Variants in WDPCP observed in about 807,000 individuals in gnomAD.
WDPCP encodes the protein WD repeat-containing and planar cell polarity effector protein fritz homolog.
WDPCP carries 71 observed loss-of-function variants against 93.1 expected under a neutral mutation model. The ratio of observed to expected loss-of-function variants is 0.76; its 90% CI spans 0.63 to 0.93. The LOEUF (loss-of-function observed/expected upper bound fraction) is 0.93, where lower values mean the gene tolerates loss of function less well. Ranked by LOEUF, WDPCP falls within the 40% of genes least tolerant of loss-of-function variation. The pLI, the probability that WDPCP is intolerant of heterozygous loss-of-function variation, is 0.00. For missense variants in WDPCP, 844 were observed against 887.4 expected (o/e 0.95, Z 0.62); for synonymous variants, 315 against 315.0 (o/e 1.00, Z 0.00).
At chr2:63,538,513 G>A (rs1436925316) in intron 1 of WDPCP, among the ~76,000 whole-genome samples, 1 of 152,096 alleles carries the variant, frequency 6.6e-6, no homozygotes, top group East Asian at 1.9e-4. Flanking sequence ...CTATGGGAGA[G>A]AAATTCATAC....
At chr2:63,346,245 T>C in intron 12 of WDPCP, among the ~76,000 whole-genome samples, 1 of 151,966 alleles carries the variant, frequency 6.6e-6, no homozygotes, top group East Asian at 1.9e-4. Flanking sequence ...CAAGAAAAAA[T>C]GGAAAGCATA....
Position 63,404,538 on chromosome 2 carries a change from G to C in WDPCP, c.945C>G (p.Asp315Glu). The change falls in exon 10 of 18, where the codon GAC becomes GAG. Residue 315 changes from aspartate to glutamate, a missense_variant. Coordinates refer to ENST00000272321, the MANE Select transcript of WDPCP (RefSeq NM_015910.7). ...SVSVDKEPMADSCIYECIRNK... is the reference protein window; with the variant it reads ...SVSVDKEPMAESCIYECIRNK... ...TCCGAATGCATTCATAGATGCAGCT[G>C]TCAGCCATGGGCTCTTTGTCTACAC... 1 of 1,613,644 alleles carries C rather than the reference G, an allele frequency of 6.2e-7. No individual in the cohort carries two copies. The highest frequency in any genetic ancestry group is 1.1e-5 in the South Asian group (1 of 91,034).
chr2:63,280,569 C>T (rs1246605299), intron 13 of WDPCP, among the ~76,000 whole-genome samples: 1 of 152,124 alleles, frequency 6.6e-6, no homozygotes, highest in East Asian at 1.9e-4. Flanking sequence ...CATTACCCAA[C>T]TTCAAACCAT....
chr2:63,524,229 T>C (rs1490916549), intron 1 of WDPCP, among the ~76,000 whole-genome samples: 1 of 152,134 alleles, frequency 6.6e-6, no homozygotes. Flanking sequence ...AAACTACCAA[T>C]GACAATTTTT....
In WDPCP at chr2:63,536,773, C is replaced by CTTTTTTTTTTTTT. The variant is rs58661370; in HGVS notation, c.76-43846_76-43834dup. ...TGGTAAAAATCTCAGATTCTTCATG[C>CTTTTTTTTTTTTT]TTTTTTTTTTTTTTTTGATGGAATC... On this transcript the variant is annotated intron_variant, in intron 1 of 17. Coordinates refer to ENST00000272321, the MANE Select transcript of WDPCP (RefSeq NM_015910.7). 1.2e-3 allele frequency among the ~76,000 whole-genome samples: 110 copies of CTTTTTTTTTTTTT among 93,582 alleles called. 4 individuals are homozygous for CTTTTTTTTTTTTT. Among genetic ancestry groups the CTTTTTTTTTTTTT allele is most frequent in the African/African-American group, 2.8e-3 (61 of 22,134 alleles). 61.4% of individuals were successfully genotyped at this position (93,582 alleles called of 152,430 possible).
At chr2:63,168,513 T>C (rs1673158881) in intron 15 of WDPCP, 2 of 152,216 alleles carry the variant, frequency 1.3e-5, no homozygotes, top group Admixed American at 6.5e-5. Context: ...TTTACATCAA[T>C]TGATATGACT....
intron 12 of WDPCP, among the ~76,000 whole-genome samples, chr2:63,328,912 A>G (rs1022865194): frequency 6.6e-6 from 1 of 151,924 alleles, no homozygotes; most frequent in African/African-American, 2.4e-5. Context: ...TATCTTTTGT[A>G]GAGATGGGGT....
intron 12 of WDPCP, among the ~76,000 whole-genome samples, chr2:63,347,822 C>CCCCT (rs1689303751): frequency 6.6e-6 from 1 of 151,732 alleles, no homozygotes; most frequent in Admixed American, 6.6e-5. Context: ...TAATGCCAGC[C>CCCCT]CCCTCTTTGA....
intron 1 of WDPCP, among the ~76,000 whole-genome samples, chr2:63,574,300 G>A (rs1356070112): frequency 1.3e-5 from 2 of 152,048 alleles, no homozygotes; most frequent in Non-Finnish European, 2.9e-5. Context: ...TCTCTCTTTT[G>A]TACTCTGTCC....
chr2:63,422,020 A>C (rs779485891), intron 9 of WDPCP, among the ~76,000 whole-genome samples: 1 of 152,220 alleles, frequency 6.6e-6, no homozygotes, highest in African/African-American at 2.4e-5. Context: ...GAATATGTAT[A>C]TGTATAAAAT....
intron 3 of WDPCP, among the ~76,000 whole-genome samples, chr2:63,634,951 T>C (rs1455339619): frequency 1.3e-5 from 2 of 152,058 alleles, no homozygotes; most frequent in Admixed American, 6.6e-5. Context: ...AGCTGGTTTC[T>C]TGAGAAGATA....
chr2:63,265,190 G>T (rs1681991710), intron 13 of WDPCP, among the ~76,000 whole-genome samples: 1 of 151,774 alleles, frequency 6.6e-6, no homozygotes, highest in African/African-American at 2.4e-5. Flanking sequence ...AGAGAAAAAG[G>T]AAACAAAATA....
At chr2:63,522,437 A>AAGAC (rs1163385259) in intron 1 of WDPCP, among the ~76,000 whole-genome samples, 124 of 131,888 alleles carry the variant, frequency 9.4e-4, no homozygotes, top group Middle Eastern at 3.8e-3. Context: ...AAAGGAAATC[A>AAGAC]AGACAGACAG....
chr2:63,342,543 C>T (rs865849527), intron 12 of WDPCP, among the ~76,000 whole-genome samples: 10 of 152,128 alleles, frequency 6.6e-5, no homozygotes, highest in East Asian at 5.8e-4. Flanking sequence ...ATTTTCTTAG[C>T]GGTTACCCTA....
intron 12 of WDPCP, among the ~76,000 whole-genome samples, chr2:63,337,021 G>A (rs976807792): frequency 3.3e-5 from 5 of 151,588 alleles, no homozygotes; most frequent in Non-Finnish European, 7.4e-5. Context: ...GGCCTCCTGA[G>A]TGGCTGAGAT....
chr2:63,604,568 A>G lies in WDPCP; in HGVS notation n.488+46091T>C, dbSNP rs1235146102. ...AAATTTACATTTTTTACAAGTCAATATAACTCTTGTGTTCTCTTGAAATTT... is the reference window on the plus strand; with the variant it reads ...AAATTTACATTTTTTACAAGTCAATGTAACTCTTGTGTTCTCTTGAAATTT... On this transcript the variant is annotated intron_variant and non_coding_transcript_variant, in intron 3 of 4. Coordinates refer to the WDPCP transcript ENST00000467687. The G allele has an allele frequency of 2.0e-5, 15 of 740,042 alleles. No individual in the cohort carries two copies. The South Asian group carries it at 2.1e-4, about 11-fold the overall frequency. 45.8% of individuals were successfully genotyped at this position (740,042 alleles called of 1,614,324 possible).
intron 4 of WDPCP, 123 bp downstream of exon 4, chr2:63,486,419 C>A: frequency 1.3e-6 from 1 of 789,938 alleles, no homozygotes; most frequent in Non-Finnish European, 2.0e-6. Context: ...GTTTATATTC[C>A]TAAGTAATAG....
At chr2:63,512,133 T>C (rs1298243892) in intron 1 of WDPCP, among the ~76,000 whole-genome samples, 1 of 151,994 alleles carries the variant, frequency 6.6e-6, no homozygotes, top group Non-Finnish European at 1.5e-5. Flanking sequence ...AACAAACATA[T>C]GAAAAAAAGC....
intron 12 of WDPCP, among the ~76,000 whole-genome samples, chr2:63,376,594 C>G (rs528163015): frequency 6.6e-6 from 1 of 151,926 alleles, no homozygotes; most frequent in East Asian, 1.9e-4. Context: ...TTTTTGGGCT[C>G]TTTAGGCAGG....
Sources: gnomAD v4.1 joint callset for allele counts (sites outside exome capture counted in the v4.1 genomes callset) on GRCh38, gnomAD v4.1.1 for gene constraint, MANE v1.5 for transcripts, NCBI Gene and HGNC (gene_info 2026-07-23, HGNC 2026-07-21) for gene names.